Variants in CPQ observed in about 807,000 individuals in gnomAD.
The protein encoded by CPQ is Ser-Met dipeptidase.
A neutral mutation model predicts 45.7 loss-of-function variants in CPQ; 37 were observed. The observed-to-expected ratio is 0.81, with a 90% CI of 0.62 to 1.07. The LOEUF (loss-of-function observed/expected upper bound fraction) is 1.07. Among genes scored for constraint, CPQ ranks in the 50% least tolerant of loss-of-function variants. The probability of loss-of-function intolerance (pLI) is 0.00; values close to 1 mark genes in which losing one functional copy is unlikely to be tolerated. For synonymous variants in CPQ, 186 were observed against 205.8 expected (o/e 0.90, Z 0.82); for missense variants, 537 against 572.9 (o/e 0.94, Z 0.64).
chr8:96,900,725 G>A (rs535920991), intron 4 of CPQ, among the ~76,000 whole-genome samples: 1 of 152,254 alleles, frequency 6.6e-6, no homozygotes, highest in South Asian at 2.1e-4. Flanking sequence ...CTCAAGGTTG[G>A]ACGGGAACTT....
At chr8:97,043,255 T>G (rs1810165738) in intron 6 of CPQ, among the ~76,000 whole-genome samples, 1 of 151,940 alleles carries the variant, frequency 6.6e-6, no homozygotes, top group Non-Finnish European at 1.5e-5. Context: ...CTTCTTTGTC[T>G]CTTTTGATCT....
chr8:96,965,183 T>C (rs1813534240), intron 4 of CPQ, among the ~76,000 whole-genome samples: 1 of 152,092 alleles, frequency 6.6e-6, no homozygotes, highest in Non-Finnish European at 1.5e-5. Context: ...CATAAAACAA[T>C]TTTTTAAATA....
At chr8:96,917,727 G>A (rs2130908761) in intron 4 of CPQ, among the ~76,000 whole-genome samples, 1 of 152,178 alleles carries the variant, frequency 6.6e-6, no homozygotes, top group East Asian at 1.9e-4. Context: ...GTATTTCTCT[G>A]TGTAATCATT....
At chr8:96,976,798 G>A (rs937863064) in intron 5 of CPQ, among the ~76,000 whole-genome samples, 2 of 152,188 alleles carry the variant, frequency 1.3e-5, no homozygotes, top group African/African-American at 4.8e-5. Flanking sequence ...CAAGCCACAT[G>A]TAGGAGAATG....
At chr8:96,664,721 C>T (rs568612866) in intron 1 of CPQ, among the ~76,000 whole-genome samples, 2 of 152,288 alleles carry the variant, frequency 1.3e-5, no homozygotes, top group East Asian at 3.9e-4. Flanking sequence ...CTGTTGAAAT[C>T]ATTAACCACC....
At chr8:96,841,955 C>T (rs1811618862) in intron 3 of CPQ, among the ~76,000 whole-genome samples, 1 of 152,144 alleles carries the variant, frequency 6.6e-6, no homozygotes, top group African/African-American at 2.4e-5. Context: ...GGGTGGGCTA[C>T]ATCATAGAGT....
At chr8:97,115,625 G>A (rs185539088) in intron 7 of CPQ, among the ~76,000 whole-genome samples, 70 of 152,266 alleles carry the variant, frequency 4.6e-4, no homozygotes, top group African/African-American at 3.1e-4. Context: ...TTTGGCATTC[G>A]GTGAAGGAGA....
At chr8:96,732,608 GA>G (rs1049635898) in intron 1 of CPQ, among the ~76,000 whole-genome samples, 5 of 150,236 alleles carry the variant, frequency 3.3e-5, no homozygotes, top group African/African-American at 7.3e-5. Flanking sequence ...TAATAGATGA[GA>G]AAAAAAATTC....
intron 3 of CPQ, among the ~76,000 whole-genome samples, chr8:96,843,313 C>T (rs73277788): frequency 0.089 from 13,377 of 150,766 alleles, 1,529 homozygotes; most frequent in African/African-American, 0.26. Flanking sequence ...ATTGACTGGA[C>T]ATAGTTATTG....
chr8:96,852,879 G>A (rs1323031574), intron 3 of CPQ, among the ~76,000 whole-genome samples: 2 of 152,074 alleles, frequency 1.3e-5, no homozygotes, highest in African/African-American at 4.8e-5. Context: ...ATTTCTTCTT[G>A]GAAGTTTCCA....
intron 7 of CPQ, among the ~76,000 whole-genome samples, chr8:97,104,740 C>T (rs911073411): frequency 6.6e-6 from 1 of 152,132 alleles, no homozygotes; most frequent in African/African-American, 2.4e-5. Context: ...CTTTGGCTAG[C>T]ATCAGGGATC....
intron 1 of CPQ, among the ~76,000 whole-genome samples, chr8:96,714,748 T>G (rs1482546263): frequency 1.3e-5 from 2 of 152,182 alleles, no homozygotes; most frequent in Non-Finnish European, 2.9e-5. Flanking sequence ...TCTGGTTTCT[T>G]CTCTTTTGGA....
At chr8:96,723,017 A>T (rs1809785745) in intron 1 of CPQ, among the ~76,000 whole-genome samples, 1 of 152,186 alleles carries the variant, frequency 6.6e-6, no homozygotes, top group African/African-American at 2.4e-5. Flanking sequence ...CCATAGAAAG[A>T]TTGCCTTAAA....
chr8:96,785,123 C>T lies in CPQ; in HGVS notation c.226C>T (p.Pro76Ser), dbSNP rs773819729. Residue 76 changes from proline to serine, a missense_variant, in exon 2 of 8, where the codon CCC (proline) becomes TCC (serine). By Grantham distance (74) the Pro-to-Ser change is moderately conservative (BLOSUM62 -1). Transcript: ENST00000220763. ...GGCACTTCTGGTTGATACTGTTGGA[C>T]CCAGACTGAGTGGCTCCAAGAACCT... ...RLALLVDTVGPRLSGSKNLEK... is the reference protein window; with the variant it reads ...RLALLVDTVGSRLSGSKNLEK... 2.7e-5 allele frequency: 44 copies of T among 1,613,536 alleles called. No individual in the cohort carries two copies. Among genetic ancestry groups the T allele is most frequent in the Non-Finnish European group, 3.6e-5 (42 of 1,179,810 alleles).
At chr8:96,718,332 T>C (rs572147909) in intron 1 of CPQ, among the ~76,000 whole-genome samples, 1 of 151,566 alleles carries the variant, frequency 6.6e-6, no homozygotes, top group African/African-American at 2.4e-5. Flanking sequence ...GTGTCTGGAG[T>C]TTTTTCCTTC....
intron 1 of CPQ, among the ~76,000 whole-genome samples, chr8:96,717,656 A>G (rs902236876): frequency 3.3e-5 from 5 of 152,102 alleles, no homozygotes; most frequent in African/African-American, 7.2e-5. Flanking sequence ...GTACTCAGAC[A>G]ATGGATTGGG....
intron 4 of CPQ, among the ~76,000 whole-genome samples, chr8:96,944,306 C>G (rs1430029712): frequency 6.6e-6 from 1 of 152,112 alleles, no homozygotes; most frequent in African/African-American, 2.4e-5. Flanking sequence ...GCTGCAGCCT[C>G]CCTCCAAAGT....
intron 2 of CPQ, among the ~76,000 whole-genome samples, chr8:96,803,721 T>C (rs573542616): frequency 6.6e-6 from 1 of 152,306 alleles, no homozygotes; most frequent in East Asian, 1.9e-4. Flanking sequence ...TAGCATTTCT[T>C]ATTTTCTTCA....
Position 97,027,790 on chromosome 8 carries a change from C to T in CPQ, c.962-1613C>T, listed in dbSNP as rs375304152. 4.6e-5 allele frequency among the ~76,000 whole-genome samples: 7 copies of T among 152,212 alleles called. No individual in the cohort carries two copies. In the East Asian group the frequency reaches 7.7e-4, roughly 17 times the overall value. ...GTGTGTCAAACAATCTAGGAATTGG[C>T]GACATTACAATGAATAAAAAGCATA... is the stretch of plus-strand genomic sequence containing the variant. On this transcript the variant is annotated intron_variant, in intron 5 of 7. Coordinates refer to ENST00000220763, the MANE Select transcript of CPQ (RefSeq NM_016134.4).
Sources: gnomAD v4.1 joint callset for allele counts (sites outside exome capture counted in the v4.1 genomes callset) on GRCh38, gnomAD v4.1.1 for gene constraint, MANE v1.5 for transcripts, NCBI Gene and HGNC (gene_info 2026-07-23, HGNC 2026-07-21) for gene names.